SLC25A24: variants seen among roughly 807,000 people sequenced by gnomAD.
SLC25A24 encodes solute carrier family 25 member 24.
SLC25A24 carries 49 observed loss-of-function variants against 60.7 expected under a neutral mutation model. The observed-to-expected ratio is 0.81, with a 90% CI of 0.64 to 1.02. SLC25A24 has a LOEUF of 1.02. Ranked by LOEUF, SLC25A24 falls within the 50% of genes least tolerant of loss-of-function variation. The pLI, the probability that SLC25A24 is intolerant of heterozygous loss-of-function variation, is 0.00. For synonymous variants in SLC25A24, 202 were observed against 200.6 expected (o/e 1.01, Z -0.06); for missense variants, 564 against 586.3 (o/e 0.96, Z 0.39).
Position 108,148,274 on chromosome 1 carries a change from C to A in SLC25A24, c.930+5G>T. ...CACACAGTCAGACTTGACAATGGTA[C>A]TCACCTCCATTGGATATATAAAAGT... On this transcript the variant is annotated splice_donor_5th_base_variant and intron_variant, in intron 7 of 9. Coordinates refer to ENST00000565488, the MANE Select transcript of SLC25A24 (RefSeq NM_013386.5). 1 of 1,522,930 alleles carries A rather than the reference C, an allele frequency of 6.6e-7. No homozygotes were observed. Among genetic ancestry groups the A allele is most frequent in the African/African-American group, 1.4e-5 (1 of 73,266 alleles). The allele number at this position is 1,522,930 out of a possible 1,614,324, so 94.3% of individuals were successfully genotyped here.
At chr1:108,192,356 G>A (rs979081830) in intron 1 of SLC25A24, 1 of 582,364 alleles carries the variant, frequency 1.7e-6, no homozygotes, top group East Asian at 3.5e-5. Flanking sequence ...TTAATAAACG[G>A]TAACGCTGGT....
chr1:108,141,819 T>A (rs1266338875), intron 8 of SLC25A24, among the ~76,000 whole-genome samples: 2 of 152,082 alleles, frequency 1.3e-5, no homozygotes, highest in Non-Finnish European at 2.9e-5. Flanking sequence ...GTCAAACTCA[T>A]AAAACGAGAA....
In SLC25A24 at chr1:108,153,864, G is replaced by C. The variant is rs1228848778; in HGVS notation, c.822+1119C>G. Among the ~76,000 whole-genome samples, 6 of 152,216 alleles carry C rather than the reference G, an allele frequency of 3.9e-5. 1 individual carries two copies. In the South Asian group the frequency reaches 1.2e-3, roughly 32 times the overall value. The stretch of plus-strand genomic sequence containing the variant: ...CTTTTTCAAAAATACCAAACTTCTT[G>C]CATACTGAAATAACTGCATTGAGTA... On this transcript the variant is annotated intron_variant, in intron 6 of 9. Transcript: ENST00000565488.
At chr1:108,166,354 G>A (rs1296486296) in intron 3 of SLC25A24, among the ~76,000 whole-genome samples, 2 of 151,782 alleles carry the variant, frequency 1.3e-5, no homozygotes, top group South Asian at 2.1e-4. Context: ...TTGCTAGATT[G>A]GGGAAGTTCT....
At chr1:108,185,243 C>A (rs1648075158) in intron 2 of SLC25A24, among the ~76,000 whole-genome samples, 1 of 152,174 alleles carries the variant, frequency 6.6e-6, no homozygotes, top group Non-Finnish European at 1.5e-5. Flanking sequence ...ATTACAGCAA[C>A]AGAAAACAGA....
chr1:108,195,260 C>A (rs1648459882), intron 1 of SLC25A24, among the ~76,000 whole-genome samples: 1 of 152,016 alleles, frequency 6.6e-6, no homozygotes, highest in South Asian at 2.1e-4. Flanking sequence ...AAACAATGGG[C>A]AATCATATAC....
At chr1:108,157,335 T>C (rs1052275891) in intron 5 of SLC25A24, 127 bp downstream of exon 5, 14 of 1,023,270 alleles carry the variant, frequency 1.4e-5, no homozygotes, top group African/African-American at 6.4e-5. Flanking sequence ...AGCAACAAAA[T>C]AGATTTATTT....
At chr1:108,154,456 C>T (rs72975341) in intron 6 of SLC25A24, among the ~76,000 whole-genome samples, 3,764 of 152,230 alleles carry the variant, frequency 0.025, 157 homozygotes, top group African/African-American at 0.086. Flanking sequence ...GAGGTAAATG[C>T]ATTTGTTCAT....
chr1:108,144,035 C>A (rs1374732629), intron 7 of SLC25A24, among the ~76,000 whole-genome samples: 1 of 152,052 alleles, frequency 6.6e-6, no homozygotes, highest in African/African-American at 2.4e-5. Flanking sequence ...AAAGGATAAC[C>A]CCAATACTTC....
At chr1:108,146,329 G>T (rs1004336928) in intron 7 of SLC25A24, among the ~76,000 whole-genome samples, 3 of 152,152 alleles carry the variant, frequency 2.0e-5, no homozygotes, top group African/African-American at 4.8e-5. Context: ...AGACAAGGAG[G>T]TTTTCTAAAT....
In SLC25A24 at chr1:108,200,254, T is replaced by TG; in HGVS notation, c.-117dup. ...GCGGGGCGCGCGGCGCAACAGCGTTTGGGGCGCCGTCGGGGTTGCGGCTGC... is the reference window on the plus strand; with the variant it reads ...GCGGGGCGCGCGGCGCAACAGCGTTTGGGGGCGCCGTCGGGGTTGCGGCTGC... On this transcript the variant is annotated 5_prime_UTR_variant, in exon 1 of 10. Transcript: ENST00000565488. 9.6e-7 allele frequency: 1 copy of TG among 1,042,070 alleles called. No homozygotes were observed. Among genetic ancestry groups the TG allele is most frequent in the Non-Finnish European group, 1.3e-6 (1 of 793,560 alleles). The allele number at this position is 1,042,070 out of a possible 1,614,324, so 64.6% of individuals were successfully genotyped here.
chr1:108,188,478 T>C (rs1367931679), intron 1 of SLC25A24, among the ~76,000 whole-genome samples: 1 of 152,160 alleles, frequency 6.6e-6, no homozygotes, highest in Non-Finnish European at 1.5e-5. Context: ...TAAAGTAACC[T>C]GTTATAATCC....
intron 6 of SLC25A24, among the ~76,000 whole-genome samples, chr1:108,149,022 A>AG (rs1679683332): frequency 6.6e-6 from 1 of 152,210 alleles, no homozygotes; most frequent in Non-Finnish European, 1.5e-5. Flanking sequence ...ACAGCATAAC[A>AG]GCATCCCTCC....
rs12076095 is a variant in SLC25A24 at position 108,139,322 on chromosome 1, G to A, written c.1099-114C>T. ...CCCCGTTTCTGCAGGATGAGGCCAC[G>A]CATTTGCAGAAGCAGCAGGCACTGC... On this transcript the variant is annotated intron_variant, in intron 8 of 9. Transcript: ENST00000565488. 0.11 allele frequency: 121,284 copies of A among 1,098,098 alleles called. 7,419 individuals carry two copies. The highest frequency in any genetic ancestry group is 0.21 in the East Asian group (8,406 of 39,124). 68.0% of individuals were successfully genotyped at this position (1,098,098 alleles called of 1,614,324 possible).
rs2101591294 is a variant in SLC25A24, at chr1:108,135,540, T to C, written c.*1113A>G. 1 of 152,384 alleles carries C rather than the reference T, an allele frequency of 6.6e-6. No homozygotes were observed. The highest frequency in any genetic ancestry group is 1.9e-4 in the East Asian group (1 of 5,190). 9.4% of individuals were successfully genotyped at this position (152,384 alleles called of 1,614,324 possible). On this transcript the variant is annotated 3_prime_UTR_variant, in exon 10 of 10. Transcript: ENST00000565488. ...ATTATAAATTAAGTCTCCTATATCC[T>C]AACATGTTCCTAAAACTTGGGGCAA...
intron 3 of SLC25A24, among the ~76,000 whole-genome samples, chr1:108,180,089 T>C (rs828983): frequency 0.2 from 30,364 of 152,024 alleles, 3,172 homozygotes; most frequent in Admixed American, 0.22. Flanking sequence ...GCTGGCTAGG[T>C]GCGGTGGCTC....
At chr1:108,171,941 C>A (rs966575700) in intron 3 of SLC25A24, among the ~76,000 whole-genome samples, 35 of 152,146 alleles carry the variant, frequency 2.3e-4, no homozygotes, top group Non-Finnish European at 1.6e-4. Flanking sequence ...TACTCCTAAC[C>A]ACTGAGCTAT....
intron 1 of SLC25A24, among the ~76,000 whole-genome samples, chr1:108,190,199 G>A (rs1383458778): frequency 6.6e-6 from 1 of 152,130 alleles, no homozygotes; most frequent in Non-Finnish European, 1.5e-5. Context: ...GAAGGCTTCA[G>A]GCGTTTCCTG....
chr1:108,161,910 T>C (rs1320412413), intron 3 of SLC25A24, among the ~76,000 whole-genome samples: 2 of 151,216 alleles, frequency 1.3e-5, no homozygotes, highest in African/African-American at 4.8e-5. Context: ...ACTCGTCATC[T>C]AGCATTAGGT....
Sources: allele counts gnomAD v4.1 joint callset (sites outside exome capture counted in the v4.1 genomes callset), GRCh38; gene constraint gnomAD v4.1.1; transcripts MANE v1.5; gene names NCBI Gene and HGNC (gene_info 2026-07-23, HGNC 2026-07-21).